The following B4GALT6 variants were observed in gnomAD, a reference collection of about 807,000 sequenced individuals.
The protein encoded by B4GALT6 is UDP-Gal:beta-GlcNAc beta-1,4-galactosyltransferase 6.
A neutral mutation model predicts 46.3 loss-of-function variants in B4GALT6; 14 were observed. The observed-to-expected ratio is 0.30, with a 90% CI of 0.20 to 0.47. The LOEUF is 0.47. B4GALT6 is among the 20% of genes least tolerant of loss of function. The pLI is 0.99. For missense variants in B4GALT6, 386 were observed against 480.1 expected (o/e 0.80, Z 1.83); for synonymous variants, 168 against 162.0 (o/e 1.04, Z -0.28).
the B4GALT6 span, among the ~76,000 whole-genome samples, chr18:31,710,730 G>C: frequency 4.6e-5 from 7 of 151,560 alleles, no homozygotes; most frequent in Middle Eastern, 3.4e-3. Context: ...GTGGTAATTT[G>C]CCCTGGCAGC....
intron 1 of B4GALT6, among the ~76,000 whole-genome samples, chr18:31,680,761 C>T (rs2074470831): frequency 6.6e-6 from 1 of 152,212 alleles, no homozygotes; most frequent in Admixed American, 6.5e-5. Context: ...CAGTCTCTCT[C>T]TGCCAGGAAT....
the B4GALT6 span, among the ~76,000 whole-genome samples, chr18:31,707,253 T>C: frequency 6.6e-6 from 1 of 150,948 alleles, no homozygotes; most frequent in Non-Finnish European, 1.5e-5. Context: ...TTTTTTAACA[T>C]TTAATGACTT....
rs1423435332 is a variant in B4GALT6 at position 31,625,121 on chromosome 18, G to C, written c.*493C>G. 1 of 153,022 alleles carries C rather than the reference G, an allele frequency of 6.5e-6. No homozygotes were observed. The highest frequency in any genetic ancestry group is 2.4e-5 in the African/African-American group (1 of 41,410). 9.5% of individuals were successfully genotyped at this position (153,022 alleles called of 1,614,324 possible). On this transcript the variant is annotated 3_prime_UTR_variant, in exon 9 of 9. Transcript: ENST00000306851. ...GACAGTTCCTTCATTTCACACAAGGGTTAACCTTTGTTTAGTGATGTAAAT... is the reference window on the plus strand; with the variant it reads ...GACAGTTCCTTCATTTCACACAAGGCTTAACCTTTGTTTAGTGATGTAAAT...
the B4GALT6 span, among the ~76,000 whole-genome samples, chr18:31,710,010 G>C: frequency 6.6e-6 from 1 of 151,482 alleles, no homozygotes; most frequent in Admixed American, 6.6e-5. Context: ...CAGGAGAATT[G>C]CTTGAACCCG....
chr18:31,717,149 C>CA, the B4GALT6 span, among the ~76,000 whole-genome samples: 2 of 151,452 alleles, frequency 1.3e-5, no homozygotes, highest in Non-Finnish European at 2.9e-5. Context: ...CAGTTTTATT[C>CA]AAAATAAGCA....
intron 1 of B4GALT6, 111 bp from the exon 2 acceptor site, chr18:31,666,483 C>G: frequency 6.9e-6 from 3 of 433,262 alleles, no homozygotes; most frequent in Non-Finnish European, 1.2e-5. Flanking sequence ...CTGACTCAAT[C>G]AGCACGTCCA....
At chr18:31,705,535 C>T in the B4GALT6 span, among the ~76,000 whole-genome samples, 3 of 152,126 alleles carry the variant, frequency 2.0e-5, no homozygotes, top group African/African-American at 7.2e-5. Context: ...ATTACAGGCA[C>T]CCACCACCAC....
intron 3 of B4GALT6, among the ~76,000 whole-genome samples, chr18:31,653,253 C>T (rs1473125430): frequency 6.6e-6 from 1 of 151,810 alleles, no homozygotes; most frequent in Non-Finnish European, 1.5e-5. Context: ...ACTTAACACA[C>T]CCTCTCTGGG....
At chr18:31,663,717 A>G (rs949092500) in intron 2 of B4GALT6, among the ~76,000 whole-genome samples, 3 of 152,208 alleles carry the variant, frequency 2.0e-5, no homozygotes, top group African/African-American at 7.2e-5. Flanking sequence ...TGGATATTGT[A>G]TCTATAGAAG....
chr18:31,653,568 A>G (rs553920129), intron 3 of B4GALT6, among the ~76,000 whole-genome samples: 167 of 150,496 alleles, frequency 1.1e-3, no homozygotes, highest in African/African-American at 3.6e-3. Flanking sequence ...CAGCCTCCCA[A>G]GTAGCTGGGA....
At chr18:31,647,509 G>A (rs1204782748) in intron 3 of B4GALT6, among the ~76,000 whole-genome samples, 2 of 152,114 alleles carry the variant, frequency 1.3e-5, no homozygotes, top group East Asian at 3.9e-4. Context: ...TCCATCAGGA[G>A]CTTTCCTATG....
rs529499134 is a variant in B4GALT6, at chr18:31,635,619, G to A, written c.588+3025C>T. ...AAGGCAGATTTAGAATAAAGGAACTGGAGAAACTATAACCATTTTAGGAAT... is the reference window on the plus strand; with the variant it reads ...AAGGCAGATTTAGAATAAAGGAACTAGAGAAACTATAACCATTTTAGGAAT... On this transcript the variant is annotated intron_variant, in intron 5 of 8. Coordinates refer to ENST00000306851, the MANE Select transcript of B4GALT6 (RefSeq NM_004775.5). Among the ~76,000 whole-genome samples the A allele has an allele frequency of 3.5e-4, 53 of 152,242 alleles. 1 individual carries two copies. Among genetic ancestry groups the A allele is most frequent in the African/African-American group, 1.3e-3 (52 of 41,540 alleles).
intron 2 of B4GALT6, among the ~76,000 whole-genome samples, chr18:31,659,081 A>G (rs1490931684): frequency 6.6e-6 from 1 of 152,214 alleles, no homozygotes. Flanking sequence ...CAATGAGTGA[A>G]ATGAGAGACG....
In B4GALT6 at chr18:31,628,981, C is replaced by T. The variant is rs137960667; in HGVS notation, c.777-1860G>A. On this transcript the variant is annotated intron_variant, in intron 6 of 8. Coordinates refer to ENST00000306851, the MANE Select transcript of B4GALT6 (RefSeq NM_004775.5). ...CTTGCCACCCTTGAGACCCCAAGAC[C>T]AATCCCTCCTCTTCCTTAGCCTACT... 4.6e-5 allele frequency among the ~76,000 whole-genome samples: 7 copies of T among 152,284 alleles called. No individual in the cohort carries two copies. The East Asian group carries it at 1.2e-3, about 25-fold the overall frequency.
At chr18:31,712,329 G>T in the B4GALT6 span, among the ~76,000 whole-genome samples, 1 of 114,508 alleles carries the variant, frequency 8.7e-6, no homozygotes, top group Non-Finnish European at 1.7e-5. Context: ...TGTAGACAGG[G>T]TCTCACTCTG....
At chr18:31,695,832 T>C in the B4GALT6 span, among the ~76,000 whole-genome samples, 1 of 152,228 alleles carries the variant, frequency 6.6e-6, no homozygotes, top group Non-Finnish European at 1.5e-5. Flanking sequence ...GTAATCCAGC[T>C]GCTCCTCAGG....
intron 1 of B4GALT6, 32 bp from the exon 2 acceptor site, chr18:31,666,404 A>G: frequency 1.8e-6 from 2 of 1,088,672 alleles, no homozygotes; most frequent in Non-Finnish European, 2.7e-6. Context: ...AGAATGTCAT[A>G]ACACAGTAAG....
the B4GALT6 span, among the ~76,000 whole-genome samples, chr18:31,694,860 C>G: frequency 6.6e-6 from 1 of 152,270 alleles, no homozygotes; most frequent in African/African-American, 2.4e-5. Flanking sequence ...ATTTCACATA[C>G]TAGTTATCCC....
intron 6 of B4GALT6, among the ~76,000 whole-genome samples, chr18:31,628,262 G>C (rs1174958955): frequency 2.6e-5 from 4 of 152,192 alleles, no homozygotes; most frequent in Admixed American, 2.6e-4. Context: ...TTAGTGTTCT[G>C]GTATTACAGT....
Sources: allele counts gnomAD v4.1 joint callset (sites outside exome capture counted in the v4.1 genomes callset), GRCh38; gene constraint gnomAD v4.1.1; transcripts MANE v1.5; gene names NCBI Gene and HGNC (gene_info 2026-07-23, HGNC 2026-07-21).